The following SLC5A5 variants were observed in gnomAD, a reference collection of about 807,000 sequenced individuals.
The protein encoded by SLC5A5 is sodium/iodide cotransporter.
A neutral mutation model predicts 68.6 loss-of-function variants in SLC5A5; 56 were observed. The observed-to-expected ratio is 0.82, with a 90% CI of 0.66 to 1.02. The LOEUF (loss-of-function observed/expected upper bound fraction) is 1.02. Among genes scored for constraint, SLC5A5 ranks in the 50% least tolerant of loss-of-function variants. SLC5A5 has a pLI of 0.00. For synonymous variants in SLC5A5, 398 were observed against 373.0 expected, an observed-to-expected ratio of 1.07 and a Z score of -0.77; for missense variants, 807 against 859.8, an observed-to-expected ratio of 0.94 and a Z score of 0.77.
chr19:17,888,558 A>C, intron 13 of SLC5A5, 103 bp downstream of exon 13: 3 of 1,047,538 alleles, frequency 2.9e-6, no homozygotes, highest in Non-Finnish European at 4.4e-6. Context: ...CATTGGCCAA[A>C]CTGCCACTGT....
intron 10 of SLC5A5, 48 bp downstream of exon 10, chr19:17,882,267 A>G (rs1221239022): frequency 6.9e-7 from 1 of 1,456,500 alleles, no homozygotes; most frequent in Non-Finnish European, 9.6e-7. Flanking sequence ...AGGTGGGGGC[A>G]CCTTTCCCTC....
chr19:17,874,267 C>A (rs1197180050), intron 2 of SLC5A5, 64 bp downstream of exon 2: 1 of 1,221,174 alleles, frequency 8.2e-7, no homozygotes, highest in Non-Finnish European at 1.2e-6. Flanking sequence ...ACTAGCCCGG[C>A]CCCCACCATT....
chr19:17,875,891 C>G, intron 4 of SLC5A5, 61 bp from the exon 5 acceptor site: 2 of 1,560,090 alleles, frequency 1.3e-6, no homozygotes, highest in Non-Finnish European at 8.8e-7. Context: ...GTCCTAGGCA[C>G]CACTGAAGGC....
Position 17,872,467 on chromosome 19 carries a change from G to A in SLC5A5, c.148G>A (p.Gly50Arg), listed in dbSNP as rs1680232785. ...GQRSAEDFFT[G>R]GRRLAALPVG... ...GCGCAGCGCTGAGGACTTCTTCACC[G>A]GGGGCCGGCGCCTGGCGGCCCTGCC... Residue 50 changes from glycine (G) to arginine (R), a missense_variant, in exon 1 of 15, where the codon GGG becomes AGG. Gly to Arg is a moderately radical substitution (Grantham distance 125, BLOSUM62 -2). Coordinates refer to ENST00000222248, the MANE Select transcript of SLC5A5 (RefSeq NM_000453.3). The A allele has an allele frequency of 6.2e-7, 1 of 1,610,686 alleles. No homozygotes were observed. The highest frequency in any genetic ancestry group is 8.5e-7 in the Non-Finnish European group (1 of 1,178,972).
Position 17,879,961 on chromosome 19 carries a change from G to A in SLC5A5, c.970-904G>A, listed in dbSNP as rs369999729. On this transcript the variant is annotated intron_variant, in intron 7 of 14. Transcript: ENST00000222248. Reference sequence around the variant, plus strand: ...GTTGCCCAGGCTGGAGTGCAGTGGCGCAACCTCAGCTCACTGCAACCTCTG... The same window carrying A: ...GTTGCCCAGGCTGGAGTGCAGTGGCACAACCTCAGCTCACTGCAACCTCTG... Among the ~76,000 whole-genome samples, 633 of 151,804 alleles carry A rather than the reference G, an allele frequency of 4.2e-3. 4 individuals are homozygous for A. The highest frequency in any genetic ancestry group is 0.014 in the African/African-American group (582 of 41,406).
At chr19:17,891,097 TCTC>T in intron 14 of SLC5A5, 96 bp downstream of exon 14, 1 of 791,678 alleles carries the variant, frequency 1.3e-6, no homozygotes. Flanking sequence ...TCAGCACCTT[TCTC>T]CATCGCTCAT....
In SLC5A5 at chr19:17,878,196, G is replaced by T. The variant is rs185681066; in HGVS notation, c.969+103G>T. ...AGCAGAGGGAATGGCCTGTGCAAAG[G>T]CCAAGAAGTAGGAAAGAGCTGAGAG... On this transcript the variant is annotated intron_variant, in intron 7 of 14. Transcript: ENST00000222248. The T allele has an allele frequency of 4.6e-5, 64 of 1,380,316 alleles. No homozygotes were observed. The Admixed American group carries it at 8.0e-4, about 17-fold the overall frequency. The allele number at this position is 1,380,316 out of a possible 1,614,324, so 85.5% of individuals were successfully genotyped here. A position where few individuals can be genotyped will look rare whatever the true frequency, so the allele number is the denominator to read the frequency against.
rs529670189 is a variant in SLC5A5 at position 17,888,614 on chromosome 19, T to C, written c.1651+159T>C. Among the ~76,000 whole-genome samples, 52 of 140,680 alleles carry C rather than the reference T, an allele frequency of 3.7e-4. 2 individuals carry two copies. The highest frequency in any genetic ancestry group is 1.9e-3 in the South Asian group (9 of 4,680). The allele number at this position is 140,680 out of a possible 152,430, so 92.3% of individuals were successfully genotyped here. A position where few individuals can be genotyped will look rare whatever the true frequency, so the allele number is the denominator to read the frequency against. On this transcript the variant is annotated intron_variant, in intron 13 of 14. Coordinates refer to ENST00000222248, the MANE Select transcript of SLC5A5 (RefSeq NM_000453.3). ...TTATTATTATTATTATTATTATTAT[T>C]ATTATCATCATCATCATCATCATCA...
intron 12 of SLC5A5, among the ~76,000 whole-genome samples, chr19:17,888,060 G>A (rs1038233760): frequency 6.6e-6 from 1 of 152,152 alleles, no homozygotes; most frequent in Non-Finnish European, 1.5e-5. Flanking sequence ...GGGTGACAGG[G>A]AGCCACAGAG....
chr19:17,880,787 C>A, intron 7 of SLC5A5, 78 bp from the exon 8 acceptor site: 1 of 992,982 alleles, frequency 1.0e-6, no homozygotes, highest in Non-Finnish European at 1.6e-6. Context: ...GTGCTGGGGA[C>A]GTGCAGCATC....
At chr19:17,889,135 G>A (rs776408958) in intron 13 of SLC5A5, among the ~76,000 whole-genome samples, 76 of 152,082 alleles carry the variant, frequency 5.0e-4, no homozygotes, top group Non-Finnish European at 8.7e-4. Context: ...AGTGGCTCAT[G>A]CCTGTTATCC....
rs1482607574 is a variant in SLC5A5, at chr19:17,893,798, A to G, written c.1853A>G (p.Lys618Arg). ...NEDRLFFLGQ[K>R]ELEGAGSWTP... is the part of the protein sequence containing the mutation. ...GATCGTCTGTTTTTCTTGGGGCAGA[A>G]GGAGCTGGAGGGGGCTGGCTCTTGG... Residue 618 changes from lysine to arginine, a missense_variant, in exon 15 of 15, where the codon AAG becomes AGG. Transcript: ENST00000222248. 7.4e-6 allele frequency: 12 copies of G among 1,611,142 alleles called. No individual in the cohort carries two copies. Among genetic ancestry groups the G allele is most frequent in the Non-Finnish European group, 1.0e-5 (12 of 1,178,554 alleles).
chr19:17,877,800 A>G lies in SLC5A5; in HGVS notation c.776A>G (p.Tyr259Cys), dbSNP rs765851530. The G allele has an allele frequency of 1.2e-6, 2 of 1,614,206 alleles. No homozygotes were observed. Among genetic ancestry groups the G allele is most frequent in the Non-Finnish European group, 1.7e-6 (2 of 1,180,032 alleles). Residue 259 changes from tyrosine to cysteine, a missense_variant, in exon 6 of 15, where the codon TAT (tyrosine) becomes TGT (cysteine). Physicochemically the swap from Tyr to Cys is radical, Grantham distance 194. Transcript: ENST00000222248. ...GGCACGTTGGTGTGGCTCTCCATGT[A>G]TGGCGTGAACCAGGCGCAGGTGCAG... ...VGGTLVWLSMYGVNQAQVQRY... is the reference protein window; with the variant it reads ...VGGTLVWLSMCGVNQAQVQRY...
chr19:17,878,025 A>G lies in SLC5A5; in HGVS notation c.901A>G (p.Ile301Val), dbSNP rs2094311721. ...LIVSSAACCG[I>V]VMFVFYTDCD... is the part of the protein sequence containing the mutation. ...CGTGTCCAGCGCTGCCTGCTGTGGC[A>G]TCGTCATGTTTGTGTTCTACACTGA... Residue 301 changes from isoleucine (I) to valine (V), a missense_variant, in exon 7 of 15, where the codon ATC becomes GTC. Transcript: ENST00000222248. 6.2e-7 allele frequency: 1 copy of G among 1,613,310 alleles called. No homozygotes were observed. The highest frequency in any genetic ancestry group is 8.5e-7 in the Non-Finnish European group (1 of 1,180,010).
rs561789468 is a variant in SLC5A5 at position 17,877,792 on chromosome 19, C to G, written c.768C>G (p.Leu256=). The change falls in exon 6 of 15, where the codon CTC becomes CTG. Residue 256 remains leucine (L), a synonymous_variant. Transcript: ENST00000222248. ...TGGTGGGTGGCACGTTGGTGTGGCT[C>G]TCCATGTATGGCGTGAACCAGGCGC... ...TFVVGGTLVW[L]SMYGVNQAQV... is the part of the protein sequence containing the mutation. 3.7e-6 allele frequency: 6 copies of G among 1,614,244 alleles called. No individual in the cohort carries two copies. In the African/African-American group the frequency reaches 8.0e-5, roughly 22 times the overall value.
Position 17,884,079 on chromosome 19 carries a change from G to A in SLC5A5, c.1526+33G>A, listed in dbSNP as rs886878295. The A allele has an allele frequency of 3.3e-6, 5 of 1,502,936 alleles. No individual in the cohort carries two copies. In the East Asian group the frequency reaches 1.2e-4, roughly 36 times the overall value. 93.1% of individuals were successfully genotyped at this position (1,502,936 alleles called of 1,614,324 possible). A position where few individuals can be genotyped will look rare whatever the true frequency, so the allele number is the denominator to read the frequency against. On this transcript the variant is annotated intron_variant, in intron 12 of 14. Transcript: ENST00000222248. ...GACTTGAGGGTAGGGGGGTACCCGA[G>A]CCCTGGATGGTGTGATCTTGAAGGG...
At position 17,882,090 on chromosome 19, in the gene SLC5A5, C is replaced by A; in HGVS notation, c.1171+18C>A. 1.9e-6 allele frequency: 3 copies of A among 1,612,282 alleles called. No homozygotes were observed. Among genetic ancestry groups the A allele is most frequent in the Non-Finnish European group, 2.5e-6 (3 of 1,178,258 alleles). On this transcript the variant is annotated intron_variant, in intron 9 of 14. Transcript: ENST00000222248. The stretch of plus-strand genomic sequence containing the variant: ...GGGGCTCTGTGAGTTTCAGGGAGAC[C>A]TGGGTGGGAGGCCAGGGCAGTCCCT...
intron 10 of SLC5A5, among the ~76,000 whole-genome samples, chr19:17,882,517 CT>C (rs745349830): frequency 1.6e-3 from 205 of 128,110 alleles, no homozygotes; most frequent in Middle Eastern, 4.2e-3. Context: ...TTTCTTTTTT[CT>C]TTTTTTTTTT....
rs2094302783 is a variant in SLC5A5 at position 17,874,714 on chromosome 19, A to C, written c.526A>C (p.Thr176Pro). ...ASLLSTGIIC[T>P]FYTAVGGMKA... ...GCTCCTGTCCACCGGAATTATCTGC[A>C]CCTTCTACACGGCTGTGGTGAGTGG... is the stretch of plus-strand genomic sequence containing the variant. Residue 176 changes from threonine to proline, a missense_variant, in exon 4 of 15, where the codon ACC becomes CCC. By Grantham distance (38) the Thr-to-Pro change is conservative. Transcript: ENST00000222248. 2 of 1,613,910 alleles carry C rather than the reference A, an allele frequency of 1.2e-6. No individual in the cohort carries two copies. The highest frequency in any genetic ancestry group is 2.7e-5 in the African/African-American group (2 of 74,890).
Sources: gnomAD v4.1 joint callset for allele counts (sites outside exome capture counted in the v4.1 genomes callset) on GRCh38, gnomAD v4.1.1 for gene constraint, MANE v1.5 for transcripts, NCBI Gene and HGNC (gene_info 2026-07-23, HGNC 2026-07-21) for gene names.